DTNB: variants seen among roughly 807,000 people sequenced by gnomAD.
DTNB encodes dystrobrevin beta.
DTNB carries 63 observed loss-of-function variants against 90.7 expected under a neutral mutation model. That is an observed-to-expected ratio of 0.69 (90% CI 0.57 to 0.86). The LOEUF (loss-of-function observed/expected upper bound fraction) is 0.86. Among genes scored for constraint, DTNB ranks in the 40% least tolerant of loss-of-function variants. The pLI, the probability that DTNB is intolerant of heterozygous loss-of-function variation, is 0.00. For missense variants in DTNB, 744 were observed against 807.1 expected (o/e 0.92, Z 0.95); for synonymous variants, 277 against 286.7 (o/e 0.97, Z 0.34).
intron 8 of DTNB, among the ~76,000 whole-genome samples, chr2:25,547,480 T>C (rs918328834): frequency 6.6e-6 from 1 of 152,046 alleles, no homozygotes; most frequent in East Asian, 1.9e-4. Flanking sequence ...CCCACCACCA[T>C]GTCCAGCCCA....
At chr2:25,485,908 G>A (rs1322596310) in intron 9 of DTNB, among the ~76,000 whole-genome samples, 3 of 152,160 alleles carry the variant, frequency 2.0e-5, no homozygotes, top group African/African-American at 7.2e-5. Context: ...TGGATCACAA[G>A]GTCAGGAGTT....
chr2:25,603,633 C>G (rs1051467066), intron 5 of DTNB, among the ~76,000 whole-genome samples: 1 of 151,016 alleles, frequency 6.6e-6, no homozygotes, highest in African/African-American at 2.4e-5. Context: ...AGGAAAAATT[C>G]TAAGAAAGTA....
chr2:25,436,297 T>C, intron 12 of DTNB, among the ~76,000 whole-genome samples: 1 of 151,534 alleles, frequency 6.6e-6, no homozygotes. Flanking sequence ...ATTGTGCCAC[T>C]GCACTCCAGC....
chr2:25,486,695 C>G (rs148663270), intron 9 of DTNB, among the ~76,000 whole-genome samples: 46 of 149,714 alleles, frequency 3.1e-4, no homozygotes, highest in African/African-American at 1.1e-3. Context: ...ACATACAAAA[C>G]CTTCATGGTT....
chr2:25,491,854 T>C (rs892074457), intron 9 of DTNB, among the ~76,000 whole-genome samples: 11 of 152,028 alleles, frequency 7.2e-5, no homozygotes, highest in African/African-American at 2.2e-4. Flanking sequence ...TCATTTAACC[T>C]TACACCAAGC....
At chr2:25,593,675 T>C (rs34949797) in intron 6 of DTNB, among the ~76,000 whole-genome samples, 1 of 152,078 alleles carries the variant, frequency 6.6e-6, no homozygotes, top group African/African-American at 2.4e-5. Context: ...TGTCATAAGG[T>C]TAATTTGCAG....
At chr2:25,502,633 C>T (rs966304068) in intron 9 of DTNB, among the ~76,000 whole-genome samples, 1 of 149,534 alleles carries the variant, frequency 6.7e-6, no homozygotes, top group African/African-American at 2.6e-5. Flanking sequence ...CCTGTAATCC[C>T]AGCACTTTGG....
intron 6 of DTNB, among the ~76,000 whole-genome samples, chr2:25,584,699 G>A (rs1344243509): frequency 6.6e-6 from 1 of 152,074 alleles, no homozygotes; most frequent in Non-Finnish European, 1.5e-5. Context: ...TGGGACTACA[G>A]GCGTGTGCCA....
chr2:25,597,706 T>C (rs1337118844), intron 5 of DTNB, among the ~76,000 whole-genome samples: 6 of 152,148 alleles, frequency 3.9e-5, no homozygotes, highest in Non-Finnish European at 8.8e-5. Context: ...AAGATGACCC[T>C]AGTAGAAAGT....
intron 8 of DTNB, among the ~76,000 whole-genome samples, chr2:25,543,363 T>A (rs1438692964): frequency 6.6e-6 from 1 of 152,048 alleles, no homozygotes; most frequent in African/African-American, 2.4e-5. Flanking sequence ...TGGAGTGCAG[T>A]GGCACGATCT....
chr2:25,444,534 CAAA>C (rs5829977), intron 12 of DTNB, among the ~76,000 whole-genome samples: 1,814 of 116,304 alleles, frequency 0.016, 40 homozygotes, highest in African/African-American at 0.053. Context: ...GACTCCATCT[CAAA>C]AAAAAAAAAA....
chr2:25,642,621 A>C (rs1419389617), intron 2 of DTNB, among the ~76,000 whole-genome samples: 1 of 151,838 alleles, frequency 6.6e-6, no homozygotes, highest in Non-Finnish European at 1.5e-5. Flanking sequence ...TATGTTGCCC[A>C]GGCTGGTCTT....
chr2:25,514,048 G>A (rs1462982963), intron 9 of DTNB, among the ~76,000 whole-genome samples: 1 of 150,582 alleles, frequency 6.6e-6, no homozygotes, highest in East Asian at 1.9e-4. Context: ...CAGTCTAATA[G>A]GGTAGAGATT....
chr2:25,551,179 GTTTAC>G (rs1336589835), intron 8 of DTNB, among the ~76,000 whole-genome samples: 1 of 152,088 alleles, frequency 6.6e-6, no homozygotes, highest in Non-Finnish European at 1.5e-5. Flanking sequence ...CATCCAATGA[GTTTAC>G]TTTAACAACT....
At chr2:25,578,962 T>A (rs2061151398) in intron 7 of DTNB, among the ~76,000 whole-genome samples, 1 of 152,182 alleles carries the variant, frequency 6.6e-6, no homozygotes, top group Non-Finnish European at 1.5e-5. Context: ...AGGTAACATA[T>A]TTTATTTCTA....
At chr2:25,459,517 G>T (rs956199567) in intron 10 of DTNB, among the ~76,000 whole-genome samples, 10 of 151,982 alleles carry the variant, frequency 6.6e-5, no homozygotes, top group Non-Finnish European at 1.2e-4. Context: ...TTCTTGAGAT[G>T]GAGTCTCGCT....
chr2:25,629,780 A>G (rs2075273423), intron 3 of DTNB, among the ~76,000 whole-genome samples: 1 of 152,208 alleles, frequency 6.6e-6, no homozygotes, highest in African/African-American at 2.4e-5. Flanking sequence ...GGGCATCTAC[A>G]ACAAATCCCA....
intron 8 of DTNB, among the ~76,000 whole-genome samples, chr2:25,553,451 G>C (rs906301713): frequency 6.6e-6 from 1 of 151,994 alleles, no homozygotes; most frequent in African/African-American, 2.4e-5. Context: ...AATACGGCTA[G>C]GTAGGGCTGG....
At chr2:25,534,966 C>T (rs1289003827) in intron 8 of DTNB, among the ~76,000 whole-genome samples, 2 of 138,386 alleles carry the variant, frequency 1.4e-5, no homozygotes, top group Admixed American at 7.4e-5. Context: ...ACCGCCCAGA[C>T]AATGAGGTGC....
Sources: allele counts gnomAD v4.1 joint callset (sites outside exome capture counted in the v4.1 genomes callset), GRCh38; gene constraint gnomAD v4.1.1; transcripts MANE v1.5; gene names NCBI Gene and HGNC (gene_info 2026-07-23, HGNC 2026-07-21).